Variants in UGT1A4 observed in about 807,000 individuals in gnomAD.
The protein encoded by UGT1A4 is UDP-glucuronosyltransferase 1A4.
In UGT1A4, 32 loss-of-function variants were observed where a neutral mutation model predicts 41.1. The observed-to-expected ratio is 0.78, with a 90% CI of 0.59 to 1.05. The LOEUF is 1.05. Ranked by LOEUF, UGT1A4 falls within the 50% of genes least tolerant of loss-of-function variation. UGT1A4 has a pLI of 0.00. For synonymous variants in UGT1A4, 283 were observed against 265.1 expected (o/e 1.07, Z -0.66); for missense variants, 748 against 677.4 (o/e 1.10, Z -1.16).
intron 1 of UGT1A4, chr2:233,730,097 T>C: frequency 6.3e-7 from 1 of 1,588,304 alleles, no homozygotes; most frequent in Non-Finnish European, 8.6e-7. Flanking sequence ...TTTCCAAATA[T>C]TTCATTTCTG....
At position 233,719,576 on chromosome 2, in the gene UGT1A4, A is replaced by G; in HGVS notation, c.756A>G (p.Ala252=). The change falls in exon 1 of 5, where the codon GCA becomes GCG. Residue 252 remains alanine, a synonymous_variant. Coordinates refer to ENST00000373409, the MANE Select transcript of UGT1A4 (RefSeq NM_007120.3). ...CAGTGGTGGATCTTGTCAGCTATGC[A>G]TCCGTGTGGCTGTTCCGAGGGGACT... ...EVSVVDLVSY[A]SVWLFRGDFV... is the part of the protein sequence containing the mutation. The G allele has an allele frequency of 6.2e-7, 1 of 1,613,934 alleles. No homozygotes were observed. Among genetic ancestry groups the G allele is most frequent in the East Asian group, 2.2e-5 (1 of 44,870 alleles).
intron 1 of UGT1A4, among the ~76,000 whole-genome samples, chr2:233,759,845 G>C (rs1454775636): frequency 6.6e-6 from 1 of 152,146 alleles, no homozygotes; most frequent in Non-Finnish European, 1.5e-5. Context: ...CACTCTTACA[G>C]GTTTCCATGG....
intron 1 of UGT1A4, among the ~76,000 whole-genome samples, chr2:233,730,887 G>T (rs979903664): frequency 2.6e-5 from 4 of 152,076 alleles, no homozygotes; most frequent in African/African-American, 7.2e-5. Context: ...TCTATAGTGG[G>T]ATCTACTCCT....
chr2:233,747,703 AC>A, intron 1 of UGT1A4: 1 of 1,612,262 alleles, frequency 6.2e-7, no homozygotes, highest in Non-Finnish European at 8.5e-7. Context: ...CTGGCTAAGT[AC>A]CTATCAATTC....
intron 1 of UGT1A4, among the ~76,000 whole-genome samples, chr2:233,745,386 T>C (rs765197385): frequency 3.3e-5 from 5 of 151,842 alleles, no homozygotes; most frequent in Non-Finnish European, 7.4e-5. Flanking sequence ...TTCACCTCCT[T>C]ATTCTCTTTT....
intron 1 of UGT1A4, among the ~76,000 whole-genome samples, chr2:233,722,802 C>T (rs1232837199): frequency 1.3e-5 from 2 of 150,390 alleles, no homozygotes; most frequent in East Asian, 3.9e-4. Context: ...AGTCATCTCC[C>T]TCTTATTTTT....
chr2:233,747,893 T>G (rs1693806794), intron 1 of UGT1A4: 1 of 1,613,576 alleles, frequency 6.2e-7, no homozygotes. Flanking sequence ...GCCATGCTCT[T>G]TCTGCTCCTT....
At chr2:233,764,170 A>C (rs1698494492) in intron 1 of UGT1A4, among the ~76,000 whole-genome samples, 1 of 152,226 alleles carries the variant, frequency 6.6e-6, no homozygotes, top group Non-Finnish European at 1.5e-5. Flanking sequence ...TCATCAGAAC[A>C]GGGAAATTCT....
intron 1 of UGT1A4, among the ~76,000 whole-genome samples, chr2:233,758,021 T>C (rs949274852): frequency 2.0e-5 from 3 of 152,156 alleles, no homozygotes; most frequent in African/African-American, 7.2e-5. Context: ...TGTCTCTGTC[T>C]ACCTGACCCC....
intron 4 of UGT1A4, among the ~76,000 whole-genome samples, chr2:233,768,769 A>G (rs1559416355): frequency 6.6e-6 from 1 of 151,738 alleles, no homozygotes; most frequent in Non-Finnish European, 1.5e-5. Flanking sequence ...TTTTTAGTAG[A>G]GAAAGGGTTT....
intron 1 of UGT1A4, among the ~76,000 whole-genome samples, chr2:233,723,536 T>TA (rs756280025): frequency 0.019 from 2,250 of 121,430 alleles, 100 homozygotes; most frequent in African/African-American, 0.052. Context: ...TTTTTTTTTT[T>TA]AATTTATTTT....
intron 1 of UGT1A4, among the ~76,000 whole-genome samples, chr2:233,736,576 T>G: frequency 6.6e-6 from 1 of 152,372 alleles, no homozygotes; most frequent in Admixed American, 6.5e-5. Flanking sequence ...TGTGATCCTT[T>G]GGAGGAGATG....
intron 1 of UGT1A4, among the ~76,000 whole-genome samples, chr2:233,759,703 C>T (rs1054711590): frequency 1.3e-5 from 2 of 150,732 alleles, no homozygotes; most frequent in African/African-American, 4.9e-5. Context: ...CCTCATGGCG[C>T]GTGCTCGTGT....
intron 1 of UGT1A4, chr2:233,738,921 G>A (rs1476491765): frequency 6.6e-6 from 1 of 152,268 alleles, no homozygotes; most frequent in Non-Finnish European, 1.5e-5. Flanking sequence ...CAGGCCTGGA[G>A]GCCTAGGAAG....
intron 1 of UGT1A4, chr2:233,760,227 T>G: frequency 6.3e-7 from 1 of 1,581,154 alleles, no homozygotes; most frequent in Non-Finnish European, 8.5e-7. Flanking sequence ...ATCGATTGGT[T>G]TTTGCCATAT....
rs1311139649 is a variant in UGT1A4, at chr2:233,745,502, A to G, written c.868-21532A>G. 2.0e-5 allele frequency among the ~76,000 whole-genome samples: 3 copies of G among 151,662 alleles called. 1 individual carries two copies. The highest frequency in any genetic ancestry group is 7.3e-5 in the African/African-American group (3 of 40,986). On this transcript the variant is annotated intron_variant, in intron 1 of 4. Coordinates refer to ENST00000373409, the MANE Select transcript of UGT1A4 (RefSeq NM_007120.3). ...ACCAAAGAACATTCTAAGATTTCCT[A>G]TAGGGTATTAGGTCTAATGGGGATG...
rs1468501233 is a variant in UGT1A4 at position 233,718,871 on chromosome 2, G to T, written c.51G>T (p.Leu17=). 6.2e-7 allele frequency: 1 copy of T among 1,613,900 alleles called. No individual in the cohort carries two copies. Among genetic ancestry groups the T allele is most frequent in the Admixed American group, 1.7e-5 (1 of 60,028 alleles). Residue 17 remains leucine (L), a synonymous_variant, in exon 1 of 5, where the codon CTG becomes CTT. Coordinates refer to ENST00000373409, the MANE Select transcript of UGT1A4 (RefSeq NM_007120.3). ...TGCCGCGGCTGGCCACAGGACTGCTGCTCCTCCTCAGTGTCCAGCCCTGGG... is the reference window on the plus strand; with the variant it reads ...TGCCGCGGCTGGCCACAGGACTGCTTCTCCTCCTCAGTGTCCAGCCCTGGG... ...VPLPRLATGL[L]LLLSVQPWAE... is the part of the protein sequence containing the mutation.
chr2:233,722,017 A>G (rs2125685673), intron 1 of UGT1A4: 1 of 254,974 alleles, frequency 3.9e-6, no homozygotes, highest in Non-Finnish European at 7.8e-6. Context: ...AGGAAAACTG[A>G]AACCTCTTGA....
intron 1 of UGT1A4, among the ~76,000 whole-genome samples, chr2:233,764,468 T>G (rs553812675): frequency 1.3e-5 from 2 of 152,324 alleles, no homozygotes; most frequent in Middle Eastern, 6.8e-3. Context: ...GATCTCCTGC[T>G]ATTTAACTTC....
Sources: allele counts gnomAD v4.1 joint callset (sites outside exome capture counted in the v4.1 genomes callset), GRCh38; gene constraint gnomAD v4.1.1; transcripts MANE v1.5; gene names NCBI Gene and HGNC (gene_info 2026-07-23, HGNC 2026-07-21).